The following FAM168A variants were observed in gnomAD, a reference collection of about 807,000 sequenced individuals.
The protein encoded by FAM168A is protein FAM168A.
In FAM168A, 3 loss-of-function variants were observed where a neutral mutation model predicts 28.5. That is an observed-to-expected ratio of 0.11 (90% CI 0.05 to 0.27). FAM168A has a LOEUF of 0.27. Among genes scored for constraint, FAM168A ranks in the 10% least tolerant of loss-of-function variants. The pLI, the probability that FAM168A is intolerant of heterozygous loss-of-function variation, is 1.00. For synonymous variants in FAM168A, 122 were observed against 124.2 expected (o/e 0.98, Z 0.12); for missense variants, 222 against 311.5 (o/e 0.71, Z 2.16).
At chr11:73,566,185 T>C (rs1414496323) in intron 1 of FAM168A, among the ~76,000 whole-genome samples, 2 of 152,262 alleles carry the variant, frequency 1.3e-5, no homozygotes, top group South Asian at 2.1e-4. Flanking sequence ...ATAGCCAAGC[T>C]GAATTTACAC....
At chr11:73,537,883 T>A (rs1224723423) in intron 1 of FAM168A, among the ~76,000 whole-genome samples, 1 of 152,170 alleles carries the variant, frequency 6.6e-6, no homozygotes, top group Non-Finnish European at 1.5e-5. Flanking sequence ...AACTAACACA[T>A]GTACACACAC....
chr11:73,531,881 T>G (rs920342437), intron 1 of FAM168A, among the ~76,000 whole-genome samples: 1 of 148,822 alleles, frequency 6.7e-6, no homozygotes, highest in Non-Finnish European at 1.5e-5. Flanking sequence ...CACAGCTCAC[T>G]GCAGCCTCAA....
At chr11:73,485,860 T>C (rs905084325) in intron 1 of FAM168A, among the ~76,000 whole-genome samples, 2 of 152,052 alleles carry the variant, frequency 1.3e-5, no homozygotes, top group African/African-American at 4.8e-5. Flanking sequence ...ATAAAAAGGG[T>C]CTCTGGTGGA....
intron 2 of FAM168A, among the ~76,000 whole-genome samples, chr11:73,433,955 C>A (rs913232281): frequency 2.0e-5 from 3 of 148,134 alleles, no homozygotes; most frequent in Non-Finnish European, 4.4e-5. Context: ...AAGAGATTAT[C>A]CTGCCTCAAC....
chr11:73,597,285 A>G (rs533313909), intron 1 of FAM168A, among the ~76,000 whole-genome samples: 2 of 151,952 alleles, frequency 1.3e-5, no homozygotes, highest in South Asian at 2.1e-4. Flanking sequence ...ATGCTATTCC[A>G]TAAGTCTCCA....
intron 2 of FAM168A, among the ~76,000 whole-genome samples, chr11:73,440,550 A>G (rs1867175194): frequency 1.3e-5 from 2 of 152,146 alleles, no homozygotes; most frequent in Non-Finnish European, 2.9e-5. Flanking sequence ...GGATCACTTG[A>G]GCCCAGGAGA....
chr11:73,559,392 G>C (rs1275928441), intron 1 of FAM168A, among the ~76,000 whole-genome samples: 1 of 151,906 alleles, frequency 6.6e-6, no homozygotes, highest in Non-Finnish European at 1.5e-5. Flanking sequence ...GGCAACACTG[G>C]CAGTGACCCA....
intron 1 of FAM168A, among the ~76,000 whole-genome samples, chr11:73,495,297 C>G (rs967455511): frequency 2.6e-5 from 4 of 152,134 alleles, no homozygotes; most frequent in African/African-American, 9.7e-5. Flanking sequence ...CCACTGCACT[C>G]CAGCCTGGGC....
At chr11:73,501,015 C>CA (rs771782195) in intron 1 of FAM168A, among the ~76,000 whole-genome samples, 1,538 of 99,014 alleles carry the variant, frequency 0.016, 29 homozygotes, top group African/African-American at 0.047. Flanking sequence ...AAATGGAAAG[C>CA]AAAAAAAAAA....
At chr11:73,559,577 C>G (rs1021064675) in intron 1 of FAM168A, among the ~76,000 whole-genome samples, 1 of 152,020 alleles carries the variant, frequency 6.6e-6, no homozygotes, top group Non-Finnish European at 1.5e-5. Context: ...AAAATATTTA[C>G]AATTGGTAAA....
chr11:73,412,056 G>A (rs981555602), intron 4 of FAM168A, among the ~76,000 whole-genome samples: 1 of 151,422 alleles, frequency 6.6e-6, no homozygotes, highest in Non-Finnish European at 1.5e-5. Context: ...CCTCCATCAT[G>A]TTCCCTCCCC....
chr11:73,411,617 C>G (rs778982542), intron 4 of FAM168A, 81 bp from the exon 5 acceptor site: 28 of 1,441,228 alleles, frequency 1.9e-5, no homozygotes, highest in Non-Finnish European at 2.7e-5. Context: ...AGTCACGACT[C>G]CCCAGACAAA....
chr11:73,517,605 A>G (rs1037902032), intron 1 of FAM168A, among the ~76,000 whole-genome samples: 1 of 152,086 alleles, frequency 6.6e-6, no homozygotes, highest in Non-Finnish European at 1.5e-5. Flanking sequence ...CGGAAGGTAC[A>G]CTCCTAACAT....
At chr11:73,533,757 T>C (rs1442514051) in intron 1 of FAM168A, among the ~76,000 whole-genome samples, 1 of 152,204 alleles carries the variant, frequency 6.6e-6, no homozygotes, top group Non-Finnish European at 1.5e-5. Context: ...GATTCAATAA[T>C]GTTCTGACTA....
chr11:73,445,711 G>A (rs1867300203), intron 2 of FAM168A, among the ~76,000 whole-genome samples: 1 of 152,042 alleles, frequency 6.6e-6, no homozygotes, highest in South Asian at 2.1e-4. Context: ...AAGTGAAATG[G>A]AACATGTCTT....
At chr11:73,509,379 G>A (rs928860154) in intron 1 of FAM168A, among the ~76,000 whole-genome samples, 4 of 152,192 alleles carry the variant, frequency 2.6e-5, no homozygotes, top group African/African-American at 9.7e-5. Context: ...TATTAAGTGG[G>A]AGTCACTAAG....
intron 1 of FAM168A, among the ~76,000 whole-genome samples, chr11:73,574,672 C>T (rs1490976058): frequency 1.3e-5 from 2 of 151,234 alleles, no homozygotes; most frequent in Non-Finnish European, 2.9e-5. Flanking sequence ...AAGTGATTCT[C>T]CTGCCTCAGC....
intron 1 of FAM168A, among the ~76,000 whole-genome samples, chr11:73,506,902 C>T (rs945832829): frequency 1.3e-5 from 2 of 152,140 alleles, no homozygotes; most frequent in Admixed American, 6.5e-5. Flanking sequence ...TCCCCACTCA[C>T]ATATATAATC....
intron 2 of FAM168A, among the ~76,000 whole-genome samples, chr11:73,450,456 T>C (rs1867406291): frequency 6.6e-6 from 1 of 152,208 alleles, no homozygotes; most frequent in Non-Finnish European, 1.5e-5. Flanking sequence ...GCATTTCTAG[T>C]AGGTTTGTAG....
Sources: gnomAD v4.1 joint callset for allele counts (sites outside exome capture counted in the v4.1 genomes callset) on GRCh38, gnomAD v4.1.1 for gene constraint, MANE v1.5 for transcripts, NCBI Gene and HGNC (gene_info 2026-07-23, HGNC 2026-07-21) for gene names.